The following FOXP2 variants were observed in gnomAD, a reference collection of about 807,000 sequenced individuals.
The protein encoded by FOXP2 is forkhead box P2.
A neutral mutation model predicts 115.8 loss-of-function variants in FOXP2; 12 were observed. The ratio of observed to expected loss-of-function variants is 0.10; its 90% CI spans 0.07 to 0.17. The LOEUF is 0.17. FOXP2 is among the 10% of genes least tolerant of loss of function. The pLI is 1.00. For missense variants in FOXP2, 629 were observed against 843.5 expected (o/e 0.75, Z 3.15); for synonymous variants, 328 against 297.7 (o/e 1.10, Z -1.05).
At chr7:114,670,474 T>C (rs1312143091) in intron 16 of FOXP2, among the ~76,000 whole-genome samples, 1 of 152,048 alleles carries the variant, frequency 6.6e-6, no homozygotes, top group Non-Finnish European at 1.5e-5. Flanking sequence ...GACATCCTCT[T>C]CTTCTTCATA....
chr7:114,100,610 G>T (rs1799756519), intron 1 of FOXP2, among the ~76,000 whole-genome samples: 1 of 152,056 alleles, frequency 6.6e-6, no homozygotes, highest in Admixed American at 6.5e-5. Flanking sequence ...GTTAGCAATT[G>T]TGTCATCCAT....
chr7:114,434,525 C>A (rs1168513228), intron 2 of FOXP2, among the ~76,000 whole-genome samples: 1 of 150,500 alleles, frequency 6.6e-6, no homozygotes, highest in East Asian at 1.9e-4. Context: ...TAAAGAAAAA[C>A]ACATGGAGAA....
At chr7:114,557,695 C>T (rs1256500442) in intron 3 of FOXP2, among the ~76,000 whole-genome samples, 2 of 152,050 alleles carry the variant, frequency 1.3e-5, no homozygotes, top group Admixed American at 6.5e-5. Flanking sequence ...TTTTGTATCT[C>T]TAATGGCAAT....
chr7:114,226,647 G>A (rs1303861057), intron 1 of FOXP2, among the ~76,000 whole-genome samples: 1 of 151,992 alleles, frequency 6.6e-6, no homozygotes, highest in Non-Finnish European at 1.5e-5. Flanking sequence ...AGTATTCATG[G>A]TTGCCATTTA....
chr7:114,452,115 C>A (rs1180924176), intron 2 of FOXP2, among the ~76,000 whole-genome samples: 2 of 152,040 alleles, frequency 1.3e-5, no homozygotes, highest in East Asian at 3.9e-4. Context: ...GTACCATATT[C>A]TCATATTTAC....
At chr7:114,255,862 A>G (rs1795597695) in intron 1 of FOXP2, among the ~76,000 whole-genome samples, 1 of 152,036 alleles carries the variant, frequency 6.6e-6, no homozygotes, top group African/African-American at 2.4e-5. Flanking sequence ...AAATGCAGAA[A>G]TCACCCATCT....
intron 2 of FOXP2, among the ~76,000 whole-genome samples, chr7:114,371,149 G>A (rs1334957029): frequency 6.6e-6 from 1 of 151,960 alleles, no homozygotes; most frequent in Non-Finnish European, 1.5e-5. Flanking sequence ...GGTACTGTCA[G>A]GGCTAACTAC....
At chr7:114,568,424 GT>G (rs1045054364) in intron 3 of FOXP2, among the ~76,000 whole-genome samples, 25 of 137,994 alleles carry the variant, frequency 1.8e-4, no homozygotes, top group African/African-American at 3.5e-4. Context: ...GGTCTTGTGG[GT>G]TTTTTTTTGG....
chr7:114,260,032 G>C (rs1795709922), intron 1 of FOXP2, among the ~76,000 whole-genome samples: 1 of 151,888 alleles, frequency 6.6e-6, no homozygotes, highest in Non-Finnish European at 1.5e-5. Flanking sequence ...TGGGATTAGC[G>C]GGGTGTGTGC....
At chr7:114,530,119 C>A (rs1562979270) in intron 2 of FOXP2, among the ~76,000 whole-genome samples, 1 of 151,782 alleles carries the variant, frequency 6.6e-6, no homozygotes, top group Admixed American at 6.6e-5. Flanking sequence ...GTCAGTATAA[C>A]TAGGGAGTGA....
chr7:114,270,363 G>T (rs1440590003), intron 1 of FOXP2, among the ~76,000 whole-genome samples: 2 of 152,236 alleles, frequency 1.3e-5, no homozygotes, highest in Middle Eastern at 3.4e-3. Flanking sequence ...CAGATCCTTT[G>T]ATTAGAGTGT....
intron 1 of FOXP2, among the ~76,000 whole-genome samples, chr7:114,274,729 T>C (rs750849747): frequency 6.8e-6 from 1 of 147,166 alleles, no homozygotes; most frequent in Non-Finnish European, 1.5e-5. Context: ...GATCCTTCCA[T>C]TTCAACCACC....
intron 3 of FOXP2, among the ~76,000 whole-genome samples, chr7:114,536,534 ATTG>A (rs1799408796): frequency 6.6e-6 from 1 of 151,068 alleles, no homozygotes; most frequent in Non-Finnish European, 1.5e-5. Flanking sequence ...AAAATAAGAA[ATTG>A]TTGTTTGTTT....
chr7:114,333,340 C>T (rs1350991791), intron 2 of FOXP2, among the ~76,000 whole-genome samples: 1 of 152,180 alleles, frequency 6.6e-6, no homozygotes, highest in Admixed American at 6.5e-5. Flanking sequence ...ACCACATCTA[C>T]TTTTACTTCT....
chr7:114,534,666 T>G lies in FOXP2; in HGVS notation c.218T>G (p.Leu73Trp). 1 of 1,612,070 alleles carries G rather than the reference T, an allele frequency of 6.2e-7. No homozygotes were observed. The highest frequency in any genetic ancestry group is 8.5e-7 in the Non-Finnish European group (1 of 1,178,558). The change falls in exon 3 of 17, where the codon TTG (leucine) becomes TGG (tryptophan). Residue 73 changes from leucine (L) to tryptophan (W), a missense_variant. Physicochemically the swap from Leu to Trp is moderately conservative, Grantham distance 61. Transcript: ENST00000350908. ...QLLLQQQTSG[L>W]KSPKSSDKQR... ...CTTTTACAGCAGCAAACAAGTGGAT[T>G]GAAATCTCCTAAGAGCAGTGATAAA...
chr7:114,428,324 T>G (rs943074134), intron 2 of FOXP2, among the ~76,000 whole-genome samples: 1 of 151,590 alleles, frequency 6.6e-6, no homozygotes, highest in African/African-American at 2.4e-5. Flanking sequence ...AGTAAAATCA[T>G]AGCTATAGAT....
At chr7:114,615,958 G>C (rs955131243) in intron 3 of FOXP2, among the ~76,000 whole-genome samples, 1 of 152,012 alleles carries the variant, frequency 6.6e-6, no homozygotes, top group Non-Finnish European at 1.5e-5. Context: ...GATCCTCTTT[G>C]TTTAACACCT....
rs568284374 is a variant in FOXP2, at chr7:114,655,086, A to G, written c.1266+1077A>G. Among the ~76,000 whole-genome samples the G allele has an allele frequency of 9.9e-5, 15 of 152,266 alleles. No individual in the cohort carries two copies. In the South Asian group the frequency reaches 2.7e-3, roughly 27 times the overall value. On this transcript the variant is annotated intron_variant, in intron 10 of 16. Coordinates refer to ENST00000350908, the MANE Select transcript of FOXP2 (RefSeq NM_014491.4). ...ACATGTATCTTTTTGAATCTGACAT[A>G]CTACTTTTTAAACTCTAAAATGTCT...
At chr7:114,143,651 T>C (rs1359952413) in intron 1 of FOXP2, among the ~76,000 whole-genome samples, 3 of 152,214 alleles carry the variant, frequency 2.0e-5, no homozygotes, top group Admixed American at 2.0e-4. Context: ...TCATGTACAG[T>C]GCTAGCTTCT....
Sources: allele counts gnomAD v4.1 joint callset (sites outside exome capture counted in the v4.1 genomes callset), GRCh38; gene constraint gnomAD v4.1.1; transcripts MANE v1.5; gene names NCBI Gene and HGNC (gene_info 2026-07-23, HGNC 2026-07-21).